SGCD: variants seen among roughly 807,000 people sequenced by gnomAD.
The protein encoded by SGCD is delta-sarcoglycan.
SGCD carries 18 observed loss-of-function variants against 36.6 expected under a neutral mutation model. The ratio of observed to expected loss-of-function variants is 0.49; its 90% CI spans 0.34 to 0.73. The LOEUF is 0.73. Among genes scored for constraint, SGCD ranks in the 30% least tolerant of loss-of-function variants. The probability of loss-of-function intolerance (pLI) is 0.01; values close to 1 mark genes in which losing one functional copy is unlikely to be tolerated. For synonymous variants in SGCD, 133 were observed against 130.6 expected (o/e 1.02, Z -0.12); for missense variants, 387 against 346.7 (o/e 1.12, Z -0.92).
Position 156,763,052 on chromosome 5 carries a change from G to T in SGCD, c.*3662G>T, listed in dbSNP as rs896673820. The T allele has an allele frequency of 6.6e-6, 1 of 152,570 alleles. No homozygotes were observed. The highest frequency in any genetic ancestry group is 6.5e-5 in the Admixed American group (1 of 15,272). The allele number at this position is 152,570 out of a possible 1,614,324, so 9.5% of individuals were successfully genotyped here. A position where few individuals can be genotyped will look rare whatever the true frequency, so the allele number is the denominator to read the frequency against. On this transcript the variant is annotated 3_prime_UTR_variant, in exon 9 of 9. Transcript: ENST00000337851. Reference sequence around the variant, plus strand: ...AGGCTCAGAGGATGCCTGGGAACAGGGAGGATGGGATTAGTGGAAGCTTAA... The same window carrying T: ...AGGCTCAGAGGATGCCTGGGAACAGTGAGGATGGGATTAGTGGAAGCTTAA...
At chr5:155,739,145 AAG>A in the SGCD span, among the ~76,000 whole-genome samples, 1 of 152,184 alleles carries the variant, frequency 6.6e-6, no homozygotes, top group East Asian at 1.9e-4. Context: ...GGATGCTGGA[AAG>A]AGAGGAGACA....
At chr5:156,487,813 A>AAAAAG (rs1554107842) in intron 3 of SGCD, among the ~76,000 whole-genome samples, 6 of 77,808 alleles carry the variant, frequency 7.7e-5, no homozygotes, top group African/African-American at 1.7e-4. Context: ...AAAAAAAAAA[A>AAAAAG]AAAGAAAGAA....
intron 1 of SGCD, among the ~76,000 whole-genome samples, chr5:155,894,058 G>C (rs963818666): frequency 6.6e-6 from 1 of 152,198 alleles, no homozygotes; most frequent in African/African-American, 2.4e-5. Flanking sequence ...AAGCCTGGAA[G>C]TTGTTCTGGG....
At chr5:156,048,346 G>A (rs1025459253) in intron 1 of SGCD, among the ~76,000 whole-genome samples, 1 of 152,178 alleles carries the variant, frequency 6.6e-6, no homozygotes, top group Non-Finnish European at 1.5e-5. Context: ...CCAGTAATGA[G>A]ATGGCTGGGT....
intron 3 of SGCD, among the ~76,000 whole-genome samples, chr5:156,490,934 A>G (rs1047820397): frequency 1.2e-4 from 19 of 152,256 alleles, no homozygotes; most frequent in Admixed American, 7.2e-4. Context: ...TTCACATAGA[A>G]TGATCTTATA....
intron 3 of SGCD, among the ~76,000 whole-genome samples, chr5:156,359,211 G>A (rs948351309): frequency 1.3e-5 from 2 of 152,122 alleles, no homozygotes; most frequent in Non-Finnish European, 2.9e-5. Context: ...GTTTATAACA[G>A]GTCTTTTGCT....
the SGCD span, among the ~76,000 whole-genome samples, chr5:155,747,708 CTGTCAGAT>C: frequency 6.6e-6 from 1 of 152,146 alleles, no homozygotes; most frequent in African/African-American, 2.4e-5. Context: ...ATATTCCATG[CTGTCAGAT>C]TATGATAAGA....
chr5:156,086,579 C>T (rs1420321621), intron 1 of SGCD, among the ~76,000 whole-genome samples: 1 of 152,180 alleles, frequency 6.6e-6, no homozygotes, highest in African/African-American at 2.4e-5. Flanking sequence ...AATGGGCTGG[C>T]ATCATACCAG....
At chr5:155,959,275 A>G (rs978766340) in intron 1 of SGCD, among the ~76,000 whole-genome samples, 1 of 152,146 alleles carries the variant, frequency 6.6e-6, no homozygotes, top group African/African-American at 2.4e-5. Context: ...ATATATTTAT[A>G]ACCCAGGCCC....
intron 1 of SGCD, among the ~76,000 whole-genome samples, chr5:155,954,354 C>T (rs1346916135): frequency 6.6e-6 from 1 of 152,108 alleles, no homozygotes; most frequent in Non-Finnish European, 1.5e-5. Flanking sequence ...CAGAAGTATG[C>T]ACACTTCACA....
chr5:156,161,464 G>A (rs1835924), intron 3 of SGCD, among the ~76,000 whole-genome samples: 6,720 of 151,842 alleles, frequency 0.044, 528 homozygotes, highest in African/African-American at 0.12. Flanking sequence ...CTATATGTTT[G>A]CCCTTAGAGC....
chr5:156,682,096 A>G (rs904513259), intron 7 of SGCD, among the ~76,000 whole-genome samples: 12 of 152,208 alleles, frequency 7.9e-5, no homozygotes, highest in African/African-American at 2.7e-4. Context: ...TCTCTGGTAT[A>G]TTTCTCAGGA....
chr5:155,936,437 G>A (rs1165862129), intron 1 of SGCD, among the ~76,000 whole-genome samples: 2 of 152,130 alleles, frequency 1.3e-5, no homozygotes, highest in Admixed American at 6.5e-5. Context: ...GCTGGGGTGG[G>A]TAGCTCCTCT....
intron 7 of SGCD, among the ~76,000 whole-genome samples, chr5:156,725,230 T>G (rs1755712310): frequency 6.6e-6 from 1 of 152,192 alleles, no homozygotes; most frequent in African/African-American, 2.4e-5. Flanking sequence ...GCTCTAAGAA[T>G]GACTTACACT....
At chr5:156,322,534 G>A (rs1767698167), upstream of SGCD, among the ~76,000 whole-genome samples, 1 of 152,168 alleles carries the variant, frequency 6.6e-6, no homozygotes, top group Non-Finnish European at 1.5e-5. Flanking sequence ...TAAAATAAGT[G>A]CTAGTCTATA....
chr5:156,582,668 G>A (rs1760321257), intron 4 of SGCD, among the ~76,000 whole-genome samples: 1 of 152,174 alleles, frequency 6.6e-6, no homozygotes, highest in Non-Finnish European at 1.5e-5. Flanking sequence ...ATTTCAGGAA[G>A]CTTGACTAGC....
chr5:156,304,797 C>G (rs904765945), intron 3 of SGCD, among the ~76,000 whole-genome samples: 2 of 152,062 alleles, frequency 1.3e-5, no homozygotes, highest in Non-Finnish European at 2.9e-5. Flanking sequence ...ACAATAAGAT[C>G]CAGTCTGAAG....
the SGCD span, among the ~76,000 whole-genome samples, chr5:155,755,880 A>G: frequency 6.6e-6 from 1 of 152,226 alleles, no homozygotes; most frequent in Non-Finnish European, 1.5e-5. Flanking sequence ...TTGTGGTTAA[A>G]TAGATGAATG....
At chr5:156,703,898 A>G (rs1263287672) in intron 7 of SGCD, among the ~76,000 whole-genome samples, 1 of 152,086 alleles carries the variant, frequency 6.6e-6, no homozygotes, top group African/African-American at 2.4e-5. Flanking sequence ...GTGGTACCCT[A>G]TGACTTTTAA....
Sources: allele counts gnomAD v4.1 joint callset (sites outside exome capture counted in the v4.1 genomes callset), GRCh38; gene constraint gnomAD v4.1.1; transcripts MANE v1.5; gene names NCBI Gene and HGNC (gene_info 2026-07-23, HGNC 2026-07-21).